Variants in RIMS2 observed in about 807,000 individuals in gnomAD.
RIMS2 encodes the protein regulating synaptic membrane exocytosis 2.
A neutral mutation model predicts 174.4 loss-of-function variants in RIMS2; 59 were observed. The observed-to-expected ratio is 0.34, with a 90% CI of 0.27 to 0.42. RIMS2 has a LOEUF of 0.42. Ranked by LOEUF, RIMS2 falls within the 10% of genes least tolerant of loss-of-function variation. RIMS2 has a pLI of 1.00. For missense variants in RIMS2, 1,620 were observed against 1,666.3 expected (o/e 0.97, Z 0.48); for synonymous variants, 606 against 572.5 (o/e 1.06, Z -0.84).
intron 19 of RIMS2, among the ~76,000 whole-genome samples, chr8:104,182,083 T>C (rs1256007399): frequency 6.6e-6 from 1 of 151,812 alleles, no homozygotes; most frequent in Non-Finnish European, 1.5e-5. Flanking sequence ...TTGAAAGTTA[T>C]AATATTTGCC....
chr8:103,645,974 TG>T (rs1203854176), intron 1 of RIMS2, among the ~76,000 whole-genome samples: 1 of 151,656 alleles, frequency 6.6e-6, no homozygotes, highest in Non-Finnish European at 1.5e-5. Flanking sequence ...GAGATACGGG[TG>T]GGGCTGTTTT....
chr8:104,054,865 A>T (rs536440505), intron 19 of RIMS2, among the ~76,000 whole-genome samples: 1 of 152,274 alleles, frequency 6.6e-6, no homozygotes, highest in Admixed American at 6.5e-5. Context: ...TGTTATTAGC[A>T]TAAAGAAAAT....
At chr8:103,545,870 A>G (rs1291325227) in intron 1 of RIMS2, among the ~76,000 whole-genome samples, 4 of 151,974 alleles carry the variant, frequency 2.6e-5, no homozygotes, top group Admixed American at 6.6e-5. Flanking sequence ...TTACCTACCT[A>G]CCTCTCTGAT....
At chr8:103,934,227 T>TA (rs929394002) in intron 12 of RIMS2, among the ~76,000 whole-genome samples, 8 of 152,102 alleles carry the variant, frequency 5.3e-5, no homozygotes, top group African/African-American at 9.6e-5. Flanking sequence ...TTTTATTTTT[T>TA]AAAAAAAAGT....
At chr8:103,609,304 G>A (rs1310096772) in intron 1 of RIMS2, among the ~76,000 whole-genome samples, 1 of 152,114 alleles carries the variant, frequency 6.6e-6, no homozygotes. Context: ...CATTCTGTAG[G>A]TTGTCTGTTC....
At chr8:103,567,204 C>T (rs1227981205) in intron 1 of RIMS2, among the ~76,000 whole-genome samples, 1 of 152,110 alleles carries the variant, frequency 6.6e-6, no homozygotes, top group Non-Finnish European at 1.5e-5. Flanking sequence ...TAAAATTTTA[C>T]CGTATGGCAT....
intron 1 of RIMS2, among the ~76,000 whole-genome samples, chr8:103,601,600 G>GT (rs201372440): frequency 1.9e-4 from 28 of 150,866 alleles, no homozygotes; most frequent in African/African-American, 5.1e-4. Flanking sequence ...AGATCATGGA[G>GT]TTTTTTTTTC....
intron 1 of RIMS2, among the ~76,000 whole-genome samples, chr8:103,509,457 T>C (rs1825402758): frequency 6.6e-6 from 1 of 152,134 alleles, no homozygotes; most frequent in Non-Finnish European, 1.5e-5. Context: ...TCCTTCCCTG[T>C]ATATATTTCT....
At chr8:104,037,407 A>G (rs574227588) in intron 19 of RIMS2, among the ~76,000 whole-genome samples, 6 of 152,184 alleles carry the variant, frequency 3.9e-5, no homozygotes, top group Non-Finnish European at 7.4e-5. Context: ...GCTTGTTTCT[A>G]TGAGACATAG....
intron 1 of RIMS2, 118 bp from the exon 4 acceptor site, chr8:103,696,968 T>G: frequency 1.6e-6 from 1 of 641,316 alleles, no homozygotes; most frequent in South Asian, 2.0e-5. Context: ...AAATTTTCAT[T>G]CTTTTTATTC....
chr8:103,627,407 T>C (rs1361508482), intron 1 of RIMS2, among the ~76,000 whole-genome samples: 1 of 152,198 alleles, frequency 6.6e-6, no homozygotes, highest in Admixed American at 6.5e-5. Flanking sequence ...TGTACAATAG[T>C]GGTCCTGAGG....
intron 3 of RIMS2, among the ~76,000 whole-genome samples, chr8:103,781,576 T>TA (rs1338902939): frequency 2.0e-5 from 3 of 152,092 alleles, no homozygotes. Context: ...ACGCTTATTT[T>TA]AAAAAACGGT....
chr8:103,662,673 T>C (rs531780893), intron 1 of RIMS2, among the ~76,000 whole-genome samples: 1 of 34,160 alleles, frequency 2.9e-5, no homozygotes, highest in African/African-American at 1.0e-4. Context: ...GTCAGAAGAG[T>C]CTATCTATCT....
chr8:103,542,612 A>G (rs765149448), intron 1 of RIMS2, among the ~76,000 whole-genome samples: 2 of 152,240 alleles, frequency 1.3e-5, no homozygotes, highest in African/African-American at 2.4e-5. Flanking sequence ...GCATAGATGC[A>G]GAAATCCTCA....
In RIMS2 at chr8:103,647,170, G is replaced by A. The variant is rs191746825; in HGVS notation, c.177-49916G>A. Among the ~76,000 whole-genome samples the A allele has an allele frequency of 3.6e-3, 543 of 152,188 alleles. 3 individuals are homozygous for A. Among genetic ancestry groups the A allele is most frequent in the African/African-American group, 0.013 (524 of 41,540 alleles). ...GTACATTGAACCAACCTTTTATTGT[G>A]GGAATGAAACCTACTTTATCATGGT... On this transcript the variant is annotated intron_variant, in intron 1 of 23. Transcript: ENST00000504942.
At chr8:103,764,883 A>G (rs7463540) in intron 2 of RIMS2, among the ~76,000 whole-genome samples, 23,937 of 152,064 alleles carry the variant, frequency 0.16, 1,997 homozygotes, top group Middle Eastern at 0.25. Context: ...ATAAACTTCA[A>G]ATTTAATTGG....
At chr8:103,629,190 T>C (rs1402217954) in intron 1 of RIMS2, among the ~76,000 whole-genome samples, 1 of 152,138 alleles carries the variant, frequency 6.6e-6, no homozygotes, top group Non-Finnish European at 1.5e-5. Flanking sequence ...CTCTCCTCCA[T>C]CCCCATGATG....
intron 19 of RIMS2, among the ~76,000 whole-genome samples, chr8:104,089,686 T>G (rs1195874949): frequency 6.6e-6 from 1 of 151,864 alleles, no homozygotes; most frequent in Non-Finnish European, 1.5e-5. Context: ...CTTGAGTAGA[T>G]AGCAGAATCA....
intron 3 of RIMS2, among the ~76,000 whole-genome samples, chr8:103,865,654 G>A (rs1474990231): frequency 6.6e-6 from 1 of 151,938 alleles, no homozygotes; most frequent in Non-Finnish European, 1.5e-5. Flanking sequence ...TAAATATGAT[G>A]TCTTTAAATT....
Sources: allele counts gnomAD v4.1 joint callset (sites outside exome capture counted in the v4.1 genomes callset), GRCh38; gene constraint gnomAD v4.1.1; transcripts MANE v1.5; gene names NCBI Gene and HGNC (gene_info 2026-07-23, HGNC 2026-07-21).